Variants in CYBRD1 observed in about 807,000 individuals in gnomAD.
CYBRD1 encodes cytochrome b reductase 1, also known as plasma membrane ascorbate-dependent reductase CYBRD1.
Under a neutral mutation model 21.9 loss-of-function variants are expected in CYBRD1, and 14 were observed. The ratio of observed to expected loss-of-function variants is 0.64; its 90% CI spans 0.42 to 1.00. The LOEUF is 1.00. Among genes scored for constraint, CYBRD1 ranks in the 50% least tolerant of loss-of-function variants. The probability of loss-of-function intolerance (pLI) is 0.00; values close to 1 mark genes in which losing one functional copy is unlikely to be tolerated. For synonymous variants in CYBRD1, 146 were observed against 136.5 expected (o/e 1.07, Z -0.48); for missense variants, 328 against 352.5 (o/e 0.93, Z 0.56).
At chr2:171,553,529 T>TA (rs1683424266) in intron 3 of CYBRD1, 29 bp downstream of exon 3, 1 of 1,582,784 alleles carries the variant, frequency 6.3e-7, no homozygotes, top group Admixed American at 1.7e-5. Context: ...TTAATTGTAA[T>TA]ACTTAAGCCA....
In CYBRD1 at chr2:171,541,777, T is replaced by C; in HGVS notation, c.386T>C (p.Ile129Thr). ...AGCTGGGTTGGACTGATAGCTGTCATATGCTATTTGTTACAGGTCAGTATT... is the reference window on the plus strand; with the variant it reads ...AGCTGGGTTGGACTGATAGCTGTCACATGCTATTTGTTACAGGTCAGTATT... ...LHSWVGLIAVICYLLQLLSGF... is the reference protein window; with the variant it reads ...LHSWVGLIAVTCYLLQLLSGF... The change falls in exon 2 of 4, where the codon ATA becomes ACA. Residue 129 changes from isoleucine (I) to threonine (T), a missense_variant. Coordinates refer to ENST00000321348, the MANE Select transcript of CYBRD1 (RefSeq NM_024843.4). 6.2e-7 allele frequency: 1 copy of C among 1,613,518 alleles called. No homozygotes were observed. The highest frequency in any genetic ancestry group is 1.1e-5 in the South Asian group (1 of 91,050).
chr2:171,540,780 T>TTTTTC (rs1262686239), intron 1 of CYBRD1: 1 of 146,944 alleles, frequency 6.8e-6, no homozygotes, highest in Non-Finnish European at 1.5e-5. Flanking sequence ...GACTTTTTTT[T>TTTTTC]TTTTTTTTGT....
intron 2 of CYBRD1, among the ~76,000 whole-genome samples, chr2:171,550,118 G>C (rs967731107): frequency 4.6e-5 from 7 of 151,970 alleles, no homozygotes; most frequent in African/African-American, 1.5e-4. Context: ...TGTTGTTGTT[G>C]TTTTTGTTCT....
At chr2:171,537,399 G>A (rs565653208) in intron 1 of CYBRD1, among the ~76,000 whole-genome samples, 3 of 152,106 alleles carry the variant, frequency 2.0e-5, no homozygotes, top group Non-Finnish European at 4.4e-5. Flanking sequence ...AAAGCATGAG[G>A]AGGGGAAACC....
chr2:171,525,387 CAT>C (rs1307988591), intron 1 of CYBRD1, among the ~76,000 whole-genome samples: 1 of 152,176 alleles, frequency 6.6e-6, no homozygotes, highest in Non-Finnish European at 1.5e-5. Context: ...TAAATGTTTT[CAT>C]ACATGTAGGC....
intron 3 of CYBRD1, among the ~76,000 whole-genome samples, chr2:171,554,295 A>G (rs1462902610): frequency 2.0e-5 from 3 of 152,152 alleles, no homozygotes; most frequent in Non-Finnish European, 2.9e-5. Context: ...ACCTGCCTTA[A>G]AACAAGTGTT....
intron 1 of CYBRD1, among the ~76,000 whole-genome samples, chr2:171,532,504 T>C (rs2105332871): frequency 2.0e-5 from 3 of 152,302 alleles, no homozygotes; most frequent in Admixed American, 2.0e-4. Flanking sequence ...GTTTTTTGAT[T>C]TGTGCATTTT....
At chr2:171,550,324 T>C (rs1278855806) in intron 2 of CYBRD1, among the ~76,000 whole-genome samples, 1 of 152,166 alleles carries the variant, frequency 6.6e-6, no homozygotes, top group Non-Finnish European at 1.5e-5. Context: ...CAGGCTGGTC[T>C]TAAAATCCTG....
At chr2:171,523,983 C>T (rs555088480) in intron 1 of CYBRD1, among the ~76,000 whole-genome samples, 2 of 152,204 alleles carry the variant, frequency 1.3e-5, no homozygotes, top group African/African-American at 4.8e-5. Flanking sequence ...CTTTTCTTCA[C>T]CAAATATTTA....
At chr2:171,522,457 C>G (rs552179587), upstream of CYBRD1, 2 of 1,538,136 alleles carry the variant, frequency 1.3e-6, no homozygotes, top group East Asian at 4.9e-5. This position sits in a 1 kb window ranked among gnomAD's most constrained non-coding sequence, Gnocchi z 4.3. Context: ...AAGTCGACGC[C>G]CCGGTCCCGC....
intron 2 of CYBRD1, among the ~76,000 whole-genome samples, chr2:171,544,574 T>A (rs947485103): frequency 6.6e-6 from 1 of 152,230 alleles, no homozygotes; most frequent in African/African-American, 2.4e-5. Context: ...GTCTTTGATA[T>A]TTAAGTACTT....
chr2:171,524,265 A>AT (rs1406156197), intron 1 of CYBRD1, among the ~76,000 whole-genome samples: 78 of 152,274 alleles, frequency 5.1e-4, no homozygotes, highest in African/African-American at 1.8e-3. Context: ...ACTCTCAGTT[A>AT]TTTTGCCACT....
chr2:171,554,551 G>T lies in CYBRD1; in HGVS notation c.585G>T (p.Pro195=), dbSNP rs112385852. The T allele has an allele frequency of 1.2e-6, 2 of 1,613,864 alleles. No homozygotes were observed. Among genetic ancestry groups the T allele is most frequent in the African/African-American group, 1.3e-5 (1 of 74,976 alleles). ...GAGATCCTGCATACAGTACATTCCC[G>T]CCAGAAGGTGTTTTCGTAAATACGC... ...SLRDPAYSTF[P]PEGVFVNTLG... is the part of the protein sequence containing the mutation. The change falls in exon 4 of 4, where the codon CCG becomes CCT. Residue 195 remains proline (P), a synonymous_variant. Transcript: ENST00000321348.
At chr2:171,552,527 C>A (rs146126859) in intron 2 of CYBRD1, among the ~76,000 whole-genome samples, 219 of 152,216 alleles carry the variant, frequency 1.4e-3, no homozygotes, top group African/African-American at 4.9e-3. Flanking sequence ...AATTGTTTTG[C>A]TAGGATGGTA....
chr2:171,548,251 G>A (rs1574443261), intron 2 of CYBRD1, among the ~76,000 whole-genome samples: 1 of 152,110 alleles, frequency 6.6e-6, no homozygotes, highest in African/African-American at 2.4e-5. Context: ...AAATTAGAAA[G>A]ACAGATTCTC....
rs551324160 is a variant in CYBRD1 at position 171,523,256 on chromosome 2, G to A, written c.193+518G>A. ...CTGCAGATGAGGAGGGGAAGGCAGC[G>A]GGGAAAAGATTGCCGGAGCGAGAAT... On this transcript the variant is annotated intron_variant, in intron 1 of 3. Transcript: ENST00000321348. The A allele has an allele frequency of 5.3e-5, 23 of 431,684 alleles. 1 individual carries two copies. Among genetic ancestry groups the A allele is most frequent in the South Asian group, 3.6e-4 (21 of 57,920 alleles). 26.7% of individuals were successfully genotyped at this position (431,684 alleles called of 1,614,324 possible).
At position 171,554,887 on chromosome 2, in the gene CYBRD1, T is replaced by C. The variant is rs1462339621; in HGVS notation, c.*60T>C. Reference sequence around the variant, plus strand: ...TTCAAAACTAGCTCTACAGTTTTGCTTCTCCTATTAGCCATATGATAATTG... The same window carrying C: ...TTCAAAACTAGCTCTACAGTTTTGCCTCTCCTATTAGCCATATGATAATTG... On this transcript the variant is annotated 3_prime_UTR_variant, in exon 4 of 4. Transcript: ENST00000321348. The C allele has an allele frequency of 9.0e-6, 14 of 1,558,478 alleles. No individual in the cohort carries two copies. The highest frequency in any genetic ancestry group is 1.2e-5 in the Non-Finnish European group (14 of 1,134,842).
At chr2:171,533,192 C>T (rs762577588) in intron 1 of CYBRD1, among the ~76,000 whole-genome samples, 10 of 151,796 alleles carry the variant, frequency 6.6e-5, no homozygotes, top group African/African-American at 9.7e-5. Flanking sequence ...CATGGTGATA[C>T]TCTATCTCTA....
Position 171,522,711 on chromosome 2 carries a change from A to G in CYBRD1, c.166A>G (p.Thr56Ala), listed in dbSNP as rs766408302. 1.2e-6 allele frequency: 2 copies of G among 1,613,246 alleles called. No individual in the cohort carries two copies. Among genetic ancestry groups the G allele is most frequent in the Non-Finnish European group, 8.5e-7 (1 of 1,179,906 alleles). ...TAACTGGCACCCAGTGCTCATGGTC[A>G]CCGGCTTCGTCTTCATCCAGGGCAT... ...EFNWHPVLMV[T>A]GFVFIQGIAI... is the part of the protein sequence containing the mutation. Residue 56 changes from threonine (T) to alanine (A), a missense_variant, in exon 1 of 4, where the codon ACC becomes GCC. By Grantham distance (58) the Thr-to-Ala change is moderately conservative (BLOSUM62 0). Coordinates refer to ENST00000321348, the MANE Select transcript of CYBRD1 (RefSeq NM_024843.4). The surrounding 1 kb of genome is among the most constrained non-coding windows in gnomAD (Gnocchi z 4.3).
Sources: gnomAD v4.1 joint callset for allele counts (sites outside exome capture counted in the v4.1 genomes callset) on GRCh38, gnomAD v4.1.1 for gene constraint, Gnocchi (gnomAD v3.1) non-coding constraint, MANE v1.5 for transcripts, NCBI Gene and HGNC (gene_info 2026-07-23, HGNC 2026-07-21) for gene names.